The following RBPJ variants were observed in gnomAD, a reference collection of about 807,000 sequenced individuals.
RBPJ encodes the protein recombination signal binding protein for immunoglobulin kappa J region.
Under a neutral mutation model 67.8 loss-of-function variants are expected in RBPJ, and 9 were observed. That is an observed-to-expected ratio of 0.13 (90% CI 0.08 to 0.23). RBPJ has a LOEUF of 0.23. Ranked by LOEUF, RBPJ falls within the 10% of genes least tolerant of loss-of-function variation. The pLI is 1.00. For synonymous variants in RBPJ, 198 were observed against 203.3 expected, an observed-to-expected ratio of 0.97 and a Z score of 0.22; for missense variants, 305 against 595.6, an observed-to-expected ratio of 0.51 and a Z score of 5.08.
In RBPJ at chr4:26,264,063, G is replaced by T. The variant is rs1225219755; in HGVS notation, c.-166-98383G>T. Among the ~76,000 whole-genome samples, 1 of 151,574 alleles carries T rather than the reference G, an allele frequency of 6.6e-6. No individual in the cohort carries two copies. The highest frequency in any genetic ancestry group is 2.4e-5 in the African/African-American group (1 of 41,200). On this transcript the variant is annotated intron_variant, in intron 1 of 4. Transcript: ENST00000512351. The surrounding 1 kb of genome is among the most constrained non-coding windows in gnomAD (Gnocchi z 4.1). ...CTAATCTTTGTGTTTTTTTAGTAGA[G>T]ACGGGGTTTCACTATGTTGGCCAGG... is the stretch of plus-strand genomic sequence containing the variant.
At chr4:26,409,479 C>A (rs1357092170) in intron 3 of RBPJ, among the ~76,000 whole-genome samples, 1 of 152,108 alleles carries the variant, frequency 6.6e-6, no homozygotes, top group Non-Finnish European at 1.5e-5. Flanking sequence ...TTAACCATAT[C>A]TTTTATTGTA....
rs1189646307 is a variant in RBPJ at position 26,424,493 on chromosome 4, T to G, written c.634+14T>G. Reference sequence around the variant, plus strand: ...TTATTCATCTCTGTGAGTATAAAAGTGTGCATTTAATGTTTTTAGTGTGAA... The same window carrying G: ...TTATTCATCTCTGTGAGTATAAAAGGGTGCATTTAATGTTTTTAGTGTGAA... On this transcript the variant is annotated intron_variant, in intron 6 of 10. Transcript: ENST00000355476. The surrounding 1 kb of genome is among the most constrained non-coding windows in gnomAD (Gnocchi z 5.3). 2 of 1,611,254 alleles carry G rather than the reference T, an allele frequency of 1.2e-6. No homozygotes were observed.
chr4:26,237,672 A>G (rs2109213721), intron 1 of RBPJ, among the ~76,000 whole-genome samples: 1 of 152,350 alleles, frequency 6.6e-6, no homozygotes, highest in Admixed American at 6.5e-5. Context: ...TAGAGCCATG[A>G]TCACGAGAAA....
chr4:26,348,315 G>A (rs1726391656), intron 1 of RBPJ, among the ~76,000 whole-genome samples: 1 of 152,082 alleles, frequency 6.6e-6, no homozygotes. Flanking sequence ...TCCTGGAGGG[G>A]TGACGTTTGT....
intron 1 of RBPJ, among the ~76,000 whole-genome samples, chr4:26,237,854 A>G (rs961490550): frequency 2.0e-5 from 3 of 151,286 alleles, no homozygotes; most frequent in Non-Finnish European, 4.4e-5. Flanking sequence ...TAGCTCTATC[A>G]TGAAGGAGCT....
chr4:26,163,230 C>T (rs1218765078), upstream of RBPJ, among the ~76,000 whole-genome samples: 1 of 152,060 alleles, frequency 6.6e-6, no homozygotes, highest in African/African-American at 2.4e-5. Flanking sequence ...TTCCTTTTGC[C>T]TTTGGTGATT....
At chr4:26,215,757 A>G (rs531506487) in intron 1 of RBPJ, among the ~76,000 whole-genome samples, 1 of 152,022 alleles carries the variant, frequency 6.6e-6, no homozygotes, top group East Asian at 1.9e-4. Flanking sequence ...AGGTGCCTCT[A>G]GAAATGGCTA....
At chr4:26,123,782 G>A in the RBPJ span, among the ~76,000 whole-genome samples, 1 of 151,962 alleles carries the variant, frequency 6.6e-6, no homozygotes, top group Non-Finnish European at 1.5e-5. Flanking sequence ...GCCTCCACAG[G>A]GTCAGGGTCA....
At chr4:26,109,440 CTCTCTCTCTCTCTCTCTCTCTATA>C in the RBPJ span, among the ~76,000 whole-genome samples, 9 of 31,520 alleles carry the variant, frequency 2.9e-4, no homozygotes, top group African/African-American at 1.1e-3. Flanking sequence ...CTCTCTCTCT[CTCTCTCTCTCTCTCTCTCTCTATA>C]TATATATATA....
In RBPJ at chr4:26,240,980, G is replaced by A. The variant is rs114879826; in HGVS notation, c.-167+77366G>A. ...TATAATTGGCAACAACATATCACAC[G>A]TATATAAATGAGGAGTTGTGAAGTT... is the stretch of plus-strand genomic sequence containing the variant. On this transcript the variant is annotated intron_variant, in intron 1 of 4. Transcript: ENST00000512351. 3.5e-3 allele frequency among the ~76,000 whole-genome samples: 534 copies of A among 152,108 alleles called. 2 individuals carry two copies. The highest frequency in any genetic ancestry group is 5.6e-3 in the Non-Finnish European group (384 of 68,008).
the RBPJ span, among the ~76,000 whole-genome samples, chr4:26,114,983 A>G: frequency 2.2e-4 from 33 of 152,316 alleles, no homozygotes; most frequent in African/African-American, 7.7e-4. Flanking sequence ...TTTGTTGTTT[A>G]GGTTACTTAT....
In RBPJ at chr4:26,430,603, A is replaced by G; in HGVS notation, c.1148+81A>G. On this transcript the variant is annotated intron_variant, in intron 10 of 10. Transcript: ENST00000355476. This position sits in a 1 kb window ranked among gnomAD's most constrained non-coding sequence, Gnocchi z 4.1. ...AGATTCTTTCCTGGCACTGATTGTA[A>G]TGTATTAAACAACCTTGTGTTAAGT... The G allele has an allele frequency of 6.5e-7, 1 of 1,529,288 alleles. No individual in the cohort carries two copies. The highest frequency in any genetic ancestry group is 8.9e-7 in the Non-Finnish European group (1 of 1,118,768). 94.7% of individuals were successfully genotyped at this position (1,529,288 alleles called of 1,614,324 possible). A position where few individuals can be genotyped will look rare whatever the true frequency, so the allele number is the denominator to read the frequency against.
upstream of RBPJ, among the ~76,000 whole-genome samples, chr4:26,315,913 G>A (rs956891160): frequency 2.0e-5 from 3 of 152,014 alleles, no homozygotes; most frequent in African/African-American, 7.3e-5. Context: ...GAAAAATATG[G>A]CTTTTTTTGC....
intron 2 of RBPJ, among the ~76,000 whole-genome samples, chr4:26,392,754 A>C (rs1731647043): frequency 6.6e-6 from 1 of 152,212 alleles, no homozygotes; most frequent in Non-Finnish European, 1.5e-5. Context: ...GTATATATAC[A>C]TGCCAAAGCT....
intron 1 of RBPJ, among the ~76,000 whole-genome samples, chr4:26,183,290 T>G (rs1380193158): frequency 1.3e-5 from 2 of 152,210 alleles, no homozygotes; most frequent in Non-Finnish European, 2.9e-5. Flanking sequence ...TCCATTATAA[T>G]TTGATGGGAC....
chr4:26,323,180 C>T lies in RBPJ; in HGVS notation c.20+2132C>T, dbSNP rs73809411. Among the ~76,000 whole-genome samples the T allele has an allele frequency of 6.0e-3, 908 of 152,038 alleles. 12 individuals carry two copies. The highest frequency in any genetic ancestry group is 0.021 in the African/African-American group (874 of 41,430). On this transcript the variant is annotated intron_variant, in intron 1 of 10. Transcript: ENST00000355476. ...AAGTTTTTTTGTGAAAATCTGCAGTCTGGGTCGCTTGAGTGGGTTTTACCA... is the reference window on the plus strand; with the variant it reads ...AAGTTTTTTTGTGAAAATCTGCAGTTTGGGTCGCTTGAGTGGGTTTTACCA...
At chr4:26,148,615 G>C in the RBPJ span, among the ~76,000 whole-genome samples, 1 of 152,152 alleles carries the variant, frequency 6.6e-6, no homozygotes, top group African/African-American at 2.4e-5. Flanking sequence ...AAAGGACATG[G>C]TCTACTCTAA....
chr4:26,279,884 C>A (rs10019529), intron 1 of RBPJ, among the ~76,000 whole-genome samples: 9,673 of 149,090 alleles, frequency 0.065, 802 homozygotes, highest in African/African-American at 0.2. Context: ...ACTTCTTGGG[C>A]TCAACCAATC....
intron 1 of RBPJ, among the ~76,000 whole-genome samples, chr4:26,220,447 A>G (rs1257038279): frequency 1.3e-5 from 2 of 152,166 alleles, no homozygotes; most frequent in Non-Finnish European, 2.9e-5. Flanking sequence ...GGCTCCTACA[A>G]TGGGCCAGGC....
Sources: gnomAD v4.1 joint callset for allele counts (sites outside exome capture counted in the v4.1 genomes callset) on GRCh38, gnomAD v4.1.1 for gene constraint, Gnocchi (gnomAD v3.1) non-coding constraint, MANE v1.5 for transcripts, NCBI Gene and HGNC (gene_info 2026-07-23, HGNC 2026-07-21) for gene names.